The following PARVB variants were observed in gnomAD, a reference collection of about 807,000 sequenced individuals.
The protein encoded by PARVB is parvin beta.
PARVB carries 46 observed loss-of-function variants against 47.0 expected under a neutral mutation model. The ratio of observed to expected loss-of-function variants is 0.98; its 90% CI spans 0.77 to 1.25. The LOEUF is 1.25. Among genes scored for constraint, PARVB ranks in the 50% most tolerant of loss-of-function variants. PARVB has a pLI of 0.00. For synonymous variants in PARVB, 196 were observed against 196.3 expected, an observed-to-expected ratio of 1.00 and a Z score of 0.01; for missense variants, 473 against 471.6, an observed-to-expected ratio of 1.00 and a Z score of -0.03.
chr22:44,137,785 T>G (rs578154249), intron 7 of PARVB, among the ~76,000 whole-genome samples: 1 of 151,790 alleles, frequency 6.6e-6, no homozygotes, highest in Non-Finnish European at 1.5e-5. Flanking sequence ...CCTGAGAGAG[T>G]GAGAATGCAG....
At chr22:44,019,516 G>A (rs564395470), upstream of PARVB, among the ~76,000 whole-genome samples, 6 of 152,324 alleles carry the variant, frequency 3.9e-5, no homozygotes, top group East Asian at 5.8e-4. Context: ...CACCGTGCCC[G>A]GCTGAAGCTG....
intron 3 of PARVB, among the ~76,000 whole-genome samples, chr22:44,101,410 AAAAAAAT>A (rs902300240): frequency 8.4e-5 from 12 of 142,776 alleles, no homozygotes; most frequent in Admixed American, 2.7e-4. Context: ...TCCGTCTCAA[AAAAAAAT>A]AAAAAATAAA....
At chr22:44,052,904 C>T (rs1286679666) in intron 1 of PARVB, among the ~76,000 whole-genome samples, 1 of 152,140 alleles carries the variant, frequency 6.6e-6, no homozygotes, top group Non-Finnish European at 1.5e-5. Context: ...GATTGTGCCA[C>T]TGCACCCCAG....
chr22:44,116,098 C>G (rs931216681), intron 3 of PARVB: 2 of 152,398 alleles, frequency 1.3e-5, no homozygotes, highest in African/African-American at 2.4e-5. Context: ...ACATTGCATT[C>G]AGTCCTGAGG....
chr22:44,091,405 C>T (rs914219189), intron 1 of PARVB, among the ~76,000 whole-genome samples: 4 of 151,506 alleles, frequency 2.6e-5, no homozygotes, highest in Non-Finnish European at 5.9e-5. Context: ...GTGCAGCCAT[C>T]ACCACCACCC....
intron 7 of PARVB, chr22:44,139,632 G>A (rs541893823): frequency 6.2e-6 from 1 of 160,368 alleles, no homozygotes; most frequent in Non-Finnish European, 1.4e-5. Context: ...TGCATTTTTA[G>A]CAGAGATGGG....
chr22:44,161,898 C>G (rs1023561176), intron 11 of PARVB, among the ~76,000 whole-genome samples: 3 of 152,232 alleles, frequency 2.0e-5, no homozygotes, highest in South Asian at 4.1e-4. Context: ...TCCCGCATCT[C>G]CAGGCAGGCT....
intron 1 of PARVB, among the ~76,000 whole-genome samples, chr22:44,079,801 G>C (rs747676663): frequency 6.6e-6 from 1 of 152,166 alleles, no homozygotes; most frequent in Admixed American, 6.5e-5. Flanking sequence ...GGTGGTGGGC[G>C]CCTGTAATCC....
chr22:44,059,723 TAAAG>T (rs1477473451), intron 1 of PARVB, among the ~76,000 whole-genome samples: 1 of 152,206 alleles, frequency 6.6e-6, no homozygotes, highest in Non-Finnish European at 1.5e-5. Flanking sequence ...CTCAGCTTAA[TAAAG>T]AAAGATGCCG....
intron 2 of PARVB, among the ~76,000 whole-genome samples, chr22:44,014,118 G>C (rs1245590114): frequency 6.6e-6 from 1 of 152,206 alleles, no homozygotes; most frequent in Non-Finnish European, 1.5e-5. Context: ...AGCATGTATT[G>C]TTCAAGGGTC....
At chr22:44,048,080 G>C (rs1344035417) in intron 1 of PARVB, among the ~76,000 whole-genome samples, 1 of 152,154 alleles carries the variant, frequency 6.6e-6, no homozygotes, top group Non-Finnish European at 1.5e-5. Context: ...GGAGAGGATG[G>C]GGGTTCAGGC....
At chr22:44,166,812 C>T (rs1448094125) in intron 12 of PARVB, among the ~76,000 whole-genome samples, 2 of 152,250 alleles carry the variant, frequency 1.3e-5, no homozygotes, top group Non-Finnish European at 1.5e-5. Flanking sequence ...GAATGAGAGA[C>T]TTTTCCTTCT....
At chr22:44,093,639 G>A (rs894129302) in intron 1 of PARVB, among the ~76,000 whole-genome samples, 2 of 152,194 alleles carry the variant, frequency 1.3e-5, no homozygotes, top group Admixed American at 1.3e-4. Flanking sequence ...GCATCTGGAG[G>A]CATCTGGAAG....
At chr22:44,123,306 G>C (rs1020332246) in intron 4 of PARVB, among the ~76,000 whole-genome samples, 61 of 152,326 alleles carry the variant, frequency 4.0e-4, no homozygotes, top group African/African-American at 1.4e-3. Flanking sequence ...TTGGCGCAGT[G>C]GTGGGGGTAA....
At chr22:44,042,001 C>G (rs552307293) in intron 1 of PARVB, among the ~76,000 whole-genome samples, 8 of 152,330 alleles carry the variant, frequency 5.3e-5, no homozygotes, top group African/African-American at 1.9e-4. Context: ...GCCACTCCCC[C>G]ACTTTATCCA....
intron 2 of PARVB, among the ~76,000 whole-genome samples, chr22:44,096,463 C>T (rs1337650140): frequency 6.6e-6 from 1 of 152,126 alleles, no homozygotes; most frequent in African/African-American, 2.4e-5. Context: ...TTCTGAAGTC[C>T]TCTTTGTATA....
chr22:44,127,449 CTG>C (rs1350026445), intron 4 of PARVB, among the ~76,000 whole-genome samples: 1 of 152,222 alleles, frequency 6.6e-6, no homozygotes, highest in Non-Finnish European at 1.5e-5. Context: ...AGGAATGACA[CTG>C]ATGTAGGCAT....
In PARVB at chr22:44,133,008, G is replaced by T. The variant is rs758247057; in HGVS notation, c.632G>T (p.Arg211Leu). Residue 211 changes from arginine (R) to leucine (L), a missense_variant and splice_region_variant, in exon 6 of 13, where the codon CGG (arginine) becomes CTG (leucine). Arg to Leu is a moderately radical substitution (Grantham distance 102). Coordinates refer to ENST00000338758, the MANE Select transcript of PARVB (RefSeq NM_013327.5). ...GTAACGGTGCAGGTGGTGGTCGTGC[G>T]GGTGAGTATAACCGAGTGGTCGGCC... is the stretch of plus-strand genomic sequence containing the variant. ...EHVTVQVVVV[R>L]KREGLLHSSH... is the part of the protein sequence containing the mutation. 1 of 1,610,642 alleles carries T rather than the reference G, an allele frequency of 6.2e-7. No homozygotes were observed.
intron 3 of PARVB, among the ~76,000 whole-genome samples, chr22:44,118,190 T>C (rs1299515119): frequency 2.6e-5 from 4 of 152,072 alleles, no homozygotes; most frequent in African/African-American, 9.7e-5. Flanking sequence ...AGAAACAAAA[T>C]GTGGTCCCCC....
Sources: gnomAD v4.1 joint callset for allele counts (sites outside exome capture counted in the v4.1 genomes callset) on GRCh38, gnomAD v4.1.1 for gene constraint, MANE v1.5 for transcripts, NCBI Gene and HGNC (gene_info 2026-07-23, HGNC 2026-07-21) for gene names.